SIVA1: variants seen among roughly 807,000 people sequenced by gnomAD.
SIVA1 encodes SIVA1 apoptosis inducing factor, also known as apoptosis regulatory protein Siva.
SIVA1 carries 10 observed loss-of-function variants against 19.7 expected under a neutral mutation model. The observed-to-expected ratio is 0.51, with a 90% confidence interval of 0.31 to 0.86. SIVA1 has a LOEUF of 0.86. Among genes scored for constraint, SIVA1 ranks in the 40% least tolerant of loss-of-function variants. SIVA1 has a pLI of 0.04. For synonymous variants in SIVA1, 130 were observed against 106.1 expected (o/e 1.23, Z -1.39); for missense variants, 241 against 245.2 (o/e 0.98, Z 0.11).
In SIVA1 at chr14:104,753,171, G is replaced by A. The variant is rs755417543; in HGVS notation, c.-31G>A. The A allele has an allele frequency of 2.1e-6, 3 of 1,418,944 alleles. No individual in the cohort carries two copies. The highest frequency in any genetic ancestry group is 1.9e-5 in the Admixed American group (1 of 51,962). 87.9% of individuals were successfully genotyped at this position (1,418,944 alleles called of 1,614,324 possible). A position where few individuals can be genotyped will look rare whatever the true frequency, so the allele number is the denominator to read the frequency against. On this transcript the variant is annotated 5_prime_UTR_variant, in exon 1 of 4. Coordinates refer to ENST00000329967, the MANE Select transcript of SIVA1 (RefSeq NM_006427.4). ...CGTCGTTGGTAAGGGGCTGGCGGCCGGGGAGCTGCGTAGCTCCCGGCCCCG... is the reference window on the plus strand; with the variant it reads ...CGTCGTTGGTAAGGGGCTGGCGGCCAGGGAGCTGCGTAGCTCCCGGCCCCG...
At chr14:104,757,270 C>G (rs914582661) in intron 3 of SIVA1, 1 of 437,532 alleles carries the variant, frequency 2.3e-6, no homozygotes, top group East Asian at 7.4e-5. Context: ...GCGTTCTCAC[C>G]CTAGGGGCTA....
chr14:104,759,562 C>A lies in SIVA1; in HGVS notation c.*77C>A. On this transcript the variant is annotated 3_prime_UTR_variant, in exon 4 of 4. Transcript: ENST00000329967. This position sits in a 1 kb window ranked among gnomAD's most constrained non-coding sequence, Gnocchi z 4.2. ...CTTCCCTGGACGAGCGCTCGGTGTTCACACTGAACTGTGGGGTCGACGGGA... is the reference window on the plus strand; with the variant it reads ...CTTCCCTGGACGAGCGCTCGGTGTTAACACTGAACTGTGGGGTCGACGGGA... 2.4e-6 allele frequency: 3 copies of A among 1,242,306 alleles called. No homozygotes were observed. The highest frequency in any genetic ancestry group is 3.5e-6 in the Non-Finnish European group (3 of 859,830). 77.0% of individuals were successfully genotyped at this position (1,242,306 alleles called of 1,614,324 possible).
In SIVA1 at chr14:104,757,073, C is replaced by T. The variant is rs188830475; in HGVS notation, c.470+313C>T. 9 of 437,766 alleles carry T rather than the reference C, an allele frequency of 2.1e-5. No homozygotes were observed. The East Asian group carries it at 4.3e-4, about 21-fold the overall frequency. The allele number at this position is 437,766 out of a possible 1,614,324, so 27.1% of individuals were successfully genotyped here. On this transcript the variant is annotated intron_variant, in intron 3 of 3. Transcript: ENST00000329967. ...CCTCCTCCTCTGGTCTTTGAGCCCC[C>T]CCTCCCCCCGTCCGAGGAGCCCCTG...
intron 1 of SIVA1, chr14:104,753,815 T>A (rs918900035): frequency 2.2e-6 from 1 of 452,296 alleles, no homozygotes; most frequent in African/African-American, 2.0e-5. Flanking sequence ...ATGTGCCCCG[T>A]CTCCCGGGAG....
chr14:104,753,200 C>A lies in SIVA1; in HGVS notation c.-2C>A, dbSNP rs368938848. On this transcript the variant is annotated 5_prime_UTR_variant, in exon 1 of 4. Transcript: ENST00000329967. ...AGCTGCGTAGCTCCCGGCCCCGCGG[C>A]CATGCCCAAGCGGAGCTGCCCCTTC... is the stretch of plus-strand genomic sequence containing the variant. 2.0e-4 allele frequency: 306 copies of A among 1,564,272 alleles called. 1 individual carries two copies. The highest frequency in any genetic ancestry group is 6.1e-4 in the South Asian group (53 of 86,362).
chr14:104,759,547 C>T lies in SIVA1; in HGVS notation c.*62C>T, dbSNP rs913919354. On this transcript the variant is annotated 3_prime_UTR_variant, in exon 4 of 4. Transcript: ENST00000329967. The surrounding 1 kb of genome is among the most constrained non-coding windows in gnomAD (Gnocchi z 4.2). Reference sequence around the variant, plus strand: ...GCCGTGCATGGCAGCCTTCCCTGGACGAGCGCTCGGTGTTCACACTGAACT... The same window carrying T: ...GCCGTGCATGGCAGCCTTCCCTGGATGAGCGCTCGGTGTTCACACTGAACT... 5.6e-6 allele frequency: 8 copies of T among 1,430,244 alleles called. No individual in the cohort carries two copies. Among genetic ancestry groups the T allele is most frequent in the Non-Finnish European group, 6.8e-6 (7 of 1,026,858 alleles). The allele number at this position is 1,430,244 out of a possible 1,614,324, so 88.6% of individuals were successfully genotyped here. A position where few individuals can be genotyped will look rare whatever the true frequency, so the allele number is the denominator to read the frequency against.
At chr14:104,755,886 T>A in intron 2 of SIVA1, 62 bp downstream of exon 2, 1 of 1,478,986 alleles carries the variant, frequency 6.8e-7, no homozygotes, top group Non-Finnish European at 9.3e-7. Flanking sequence ...GCACGAGCAT[T>A]TTTCTTGATT....
intron 1 of SIVA1, 57 bp from the exon 2 acceptor site, chr14:104,755,573 T>G (rs1891856564): frequency 6.7e-7 from 1 of 1,484,258 alleles, no homozygotes; most frequent in African/African-American, 1.4e-5. Context: ...TCAATGGCCA[T>G]GCAGGGGCTT....
Position 104,759,607 on chromosome 14 carries a change from C to A in SIVA1, c.*122C>A. ...ACGGGAGGGGTGCCTTTTACATGTTCTATTTTGTATCCTAATGACAGAATG... is the reference window on the plus strand; with the variant it reads ...ACGGGAGGGGTGCCTTTTACATGTTATATTTTGTATCCTAATGACAGAATG... On this transcript the variant is annotated 3_prime_UTR_variant, in exon 4 of 4. Transcript: ENST00000329967. This position sits in a 1 kb window ranked among gnomAD's most constrained non-coding sequence, Gnocchi z 4.2. 1 of 689,938 alleles carries A rather than the reference C, an allele frequency of 1.4e-6. No individual in the cohort carries two copies. Among genetic ancestry groups the A allele is most frequent in the Non-Finnish European group, 2.5e-6 (1 of 400,680 alleles). The allele number at this position is 689,938 out of a possible 1,614,324, so 42.7% of individuals were successfully genotyped here.
intron 3 of SIVA1, 136 bp downstream of exon 3, chr14:104,756,896 C>A: frequency 2.0e-6 from 2 of 1,013,260 alleles, no homozygotes; most frequent in Middle Eastern, 2.7e-4. Context: ...CATTGCCTAA[C>A]GGGACATGGT....
At chr14:104,754,970 T>C (rs1280326327) in intron 1 of SIVA1, among the ~76,000 whole-genome samples, 1 of 152,232 alleles carries the variant, frequency 6.6e-6, no homozygotes, top group Non-Finnish European at 1.5e-5. Context: ...GGTCTGGCCC[T>C]GGGCATCTGA....
chr14:104,754,444 C>T (rs1351375345), intron 1 of SIVA1, among the ~76,000 whole-genome samples: 4 of 152,174 alleles, frequency 2.6e-5, no homozygotes, highest in Non-Finnish European at 4.4e-5. Context: ...ATCGTGTGCC[C>T]TCTCAGGACA....
At chr14:104,756,071 T>C in intron 2 of SIVA1, 1 of 631,048 alleles carries the variant, frequency 1.6e-6, no homozygotes, top group Non-Finnish European at 2.9e-6. Flanking sequence ...TCCCGTCTGC[T>C]TTCCGCCTGC....
In SIVA1 at chr14:104,754,900, T is replaced by C. The variant is rs781453194; in HGVS notation, c.119-730T>C. On this transcript the variant is annotated intron_variant, in intron 1 of 3. Transcript: ENST00000329967. Reference sequence around the variant, plus strand: ...TTCATGTAGAGCCACATAGAGTTTCTGGGATCTCTGCCTTTACTGTGTTAT... The same window carrying C: ...TTCATGTAGAGCCACATAGAGTTTCCGGGATCTCTGCCTTTACTGTGTTAT... 7.2e-5 allele frequency among the ~76,000 whole-genome samples: 11 copies of C among 152,346 alleles called. No homozygotes were observed. The South Asian group carries it at 2.3e-3, about 32-fold the overall frequency.
At position 104,755,699 on chromosome 14, in the gene SIVA1, C is replaced by T; in HGVS notation, c.188C>T (p.Ala63Val). The change falls in exon 2 of 4, where the codon GCC (alanine) becomes GTC (valine). Residue 63 changes from alanine to valine, a missense_variant. Physicochemically the swap from Ala to Val is moderately conservative, Grantham distance 64. Coordinates refer to ENST00000329967, the MANE Select transcript of SIVA1 (RefSeq NM_006427.4). The stretch of plus-strand genomic sequence containing the variant: ...GACCACGTGTGGGATGAAGGCTGTG[C>T]CGTCGTTCACCTGCCAGAGTCCCCA... Reference protein sequence around the residue: ...YLDHVWDEGCAVVHLPESPKP... With the variant: ...YLDHVWDEGCVVVHLPESPKP... The T allele has an allele frequency of 1.2e-6, 2 of 1,614,056 alleles. No individual in the cohort carries two copies.
chr14:104,754,557 GGCA>G (rs906343531), intron 1 of SIVA1, among the ~76,000 whole-genome samples: 17 of 152,196 alleles, frequency 1.1e-4, no homozygotes, highest in Admixed American at 1.1e-3. Context: ...CCTGGGCGTT[GGCA>G]GGTGTGTGCC....
chr14:104,759,322 C>G lies in SIVA1; in HGVS notation c.471-106C>G. ...TCCTGTCTCCAGATAAGGTCATGTC[C>G]TGAGGTGTTCTGGGTTAGGACTTTG... On this transcript the variant is annotated intron_variant, in intron 3 of 3. Coordinates refer to ENST00000329967, the MANE Select transcript of SIVA1 (RefSeq NM_006427.4). The surrounding 1 kb of genome is among the most constrained non-coding windows in gnomAD (Gnocchi z 4.2). The G allele has an allele frequency of 1.1e-6, 1 of 880,036 alleles. No homozygotes were observed. The highest frequency in any genetic ancestry group is 1.6e-5 in the South Asian group (1 of 62,788). 54.5% of individuals were successfully genotyped at this position (880,036 alleles called of 1,614,324 possible).
rs746849274 is a variant in SIVA1 at position 104,756,634 on chromosome 14, C to T, written c.344C>T (p.Ser115Phe). ...TCTGGGGTAGCGTCCATTGCCTGTT[C>T]CTCATGCGTGCGAGCCGTGGATGGG... ...DPSGVASIAC[S>F]SCVRAVDGKA... The change falls in exon 3 of 4, where the codon TCC becomes TTC. Residue 115 changes from serine (S) to phenylalanine (F), a missense_variant. Physicochemically the swap from Ser to Phe is radical, Grantham distance 155. Transcript: ENST00000329967. 1 of 1,614,202 alleles carries T rather than the reference C, an allele frequency of 6.2e-7. No homozygotes were observed. Among genetic ancestry groups the T allele is most frequent in the Non-Finnish European group, 8.5e-7 (1 of 1,180,020 alleles).
chr14:104,754,639 A>G (rs756978760), intron 1 of SIVA1, among the ~76,000 whole-genome samples: 1 of 152,176 alleles, frequency 6.6e-6, no homozygotes, highest in Non-Finnish European at 1.5e-5. Context: ...CAGGACACCT[A>G]CTTTGAACTG....
Sources: allele counts gnomAD v4.1 joint callset (sites outside exome capture counted in the v4.1 genomes callset), GRCh38; gene constraint gnomAD v4.1.1; non-coding constraint Gnocchi (gnomAD v3.1); transcripts MANE v1.5; gene names NCBI Gene and HGNC (gene_info 2026-07-23, HGNC 2026-07-21).